Variants in SOX13 observed in about 807,000 individuals in gnomAD.
SOX13 encodes the protein transcription factor SOX-13.
A neutral mutation model predicts 71.8 loss-of-function variants in SOX13; 28 were observed. The ratio of observed to expected loss-of-function variants is 0.39; its 90% CI spans 0.29 to 0.53. The LOEUF (loss-of-function observed/expected upper bound fraction) is 0.53, where lower values mean the gene tolerates loss of function less well. Ranked by LOEUF, SOX13 falls within the 20% of genes least tolerant of loss-of-function variation. The pLI, the probability that SOX13 is intolerant of heterozygous loss-of-function variation, is 0.70. For missense variants in SOX13, 627 were observed against 810.3 expected (o/e 0.77, Z 2.75); for synonymous variants, 309 against 317.8 (o/e 0.97, Z 0.29).
At chr1:204,088,142 A>T (rs574918222) in intron 1 of SOX13, among the ~76,000 whole-genome samples, 1 of 152,224 alleles carries the variant, frequency 6.6e-6, no homozygotes, top group Admixed American at 6.5e-5. Context: ...ATCTGGAAGG[A>T]TGTGTGCTTG....
rs190029561 is a variant in SOX13, at chr1:204,092,456, A to G, written c.-2+18745A>G. 1.6e-4 allele frequency among the ~76,000 whole-genome samples: 25 copies of G among 152,282 alleles called. No homozygotes were observed. The East Asian group carries it at 4.8e-3, about 29-fold the overall frequency. On this transcript the variant is annotated intron_variant, in intron 1 of 13. Transcript: ENST00000367204. ...CTTGGCCTCCCAAAGTGCTTGGATT[A>G]CAAGTGTGAGCCACCACTTGTGGCC... is the stretch of plus-strand genomic sequence containing the variant.
intron 1 of SOX13, among the ~76,000 whole-genome samples, chr1:204,102,775 A>G (rs751162913): frequency 6.6e-6 from 1 of 151,920 alleles, no homozygotes; most frequent in Non-Finnish European, 1.5e-5. Flanking sequence ...CTCTATCTCT[A>G]TGGGGTAGGT....
chr1:204,116,785 TG>T, intron 5 of SOX13, 106 bp downstream of exon 5: 8 of 1,533,772 alleles, frequency 5.2e-6, no homozygotes, highest in Non-Finnish European at 6.1e-6. Flanking sequence ...AGCTGGGGCC[TG>T]GGGGCAGGCT....
At chr1:204,100,777 C>A (rs192621768) in intron 1 of SOX13, among the ~76,000 whole-genome samples, 1 of 152,136 alleles carries the variant, frequency 6.6e-6, no homozygotes, top group South Asian at 2.1e-4. Flanking sequence ...GATGAGCGAG[C>A]CTGTGTTAGG....
rs563968200 is a variant in SOX13, at chr1:204,102,747, A to G, written c.-1-10168A>G. ...AAACATTTTTTTGATTTTCACAAACACCATCATATTCAGTCTTCTCTATCT... is the reference window on the plus strand; with the variant it reads ...AAACATTTTTTTGATTTTCACAAACGCCATCATATTCAGTCTTCTCTATCT... On this transcript the variant is annotated intron_variant, in intron 1 of 13. Coordinates refer to ENST00000367204, the MANE Select transcript of SOX13 (RefSeq NM_005686.3). Among the ~76,000 whole-genome samples the G allele has an allele frequency of 9.2e-5, 14 of 151,814 alleles. No individual in the cohort carries two copies. In the South Asian group the frequency reaches 2.1e-3, roughly 23 times the overall value.
chr1:204,097,008 G>T (rs948002193), intron 1 of SOX13, among the ~76,000 whole-genome samples: 1 of 152,124 alleles, frequency 6.6e-6, no homozygotes, highest in Admixed American at 6.6e-5. Flanking sequence ...AGCCCCTTGG[G>T]CCCAGGCTTT....
chr1:204,093,694 G>C (rs1558213067), intron 1 of SOX13, among the ~76,000 whole-genome samples: 1 of 152,188 alleles, frequency 6.6e-6, no homozygotes, highest in South Asian at 2.1e-4. Context: ...GCTATGGTTT[G>C]GAACTTTGGA....
At chr1:204,119,780 G>T in intron 7 of SOX13, 1 of 152,382 alleles carries the variant, frequency 6.6e-6, no homozygotes, top group Non-Finnish European at 1.5e-5. Flanking sequence ...GGCTAAGGCA[G>T]GAGGATTGCT....
At chr1:204,091,458 A>C (rs1030097956) in intron 1 of SOX13, among the ~76,000 whole-genome samples, 3 of 152,210 alleles carry the variant, frequency 2.0e-5, no homozygotes, top group African/African-American at 7.2e-5. Flanking sequence ...TACTCATCCA[A>C]TGGATAAGCT....
At chr1:204,082,864 A>T (rs1282313153) in intron 1 of SOX13, among the ~76,000 whole-genome samples, 2 of 152,206 alleles carry the variant, frequency 1.3e-5, no homozygotes, top group African/African-American at 4.8e-5. Context: ...GCTCTCGGCC[A>T]GAGAATCCTT....
chr1:204,125,601 A>G (rs1656903507), intron 13 of SOX13, among the ~76,000 whole-genome samples: 1 of 152,204 alleles, frequency 6.6e-6, no homozygotes, highest in Non-Finnish European at 1.5e-5. Context: ...TACAAGTTCT[A>G]AAAACTGGAT....
chr1:204,095,829 T>A (rs1042014781), intron 1 of SOX13, among the ~76,000 whole-genome samples: 5 of 152,206 alleles, frequency 3.3e-5, no homozygotes, highest in African/African-American at 9.6e-5. Flanking sequence ...AGCGTCCCCT[T>A]CCTCTCTCAC....
chr1:204,074,154 C>T (rs1183765850), intron 1 of SOX13: 7 of 152,232 alleles, frequency 4.6e-5, no homozygotes, highest in African/African-American at 1.2e-4. Flanking sequence ...GCGACCTGCG[C>T]GCGTCCTGCG....
At chr1:204,088,306 C>T (rs191150889) in intron 1 of SOX13, among the ~76,000 whole-genome samples, 21 of 152,210 alleles carry the variant, frequency 1.4e-4, no homozygotes, top group Admixed American at 2.0e-4. Context: ...CTGGTCGATT[C>T]GGCTGGGGAC....
intron 1 of SOX13, among the ~76,000 whole-genome samples, chr1:204,079,664 G>A (rs1238659601): frequency 1.3e-5 from 2 of 152,088 alleles, no homozygotes; most frequent in Non-Finnish European, 2.9e-5. Context: ...ATAGAACCTT[G>A]TAGCTACCAC....
At chr1:204,090,511 C>T (rs1315246273) in intron 1 of SOX13, among the ~76,000 whole-genome samples, 5 of 151,300 alleles carry the variant, frequency 3.3e-5, no homozygotes, top group African/African-American at 9.7e-5. Flanking sequence ...AGGGTTCAAG[C>T]GATTCTCCTG....
At chr1:204,116,784 C>T in intron 5 of SOX13, 105 bp downstream of exon 5, 1 of 1,535,376 alleles carries the variant, frequency 6.5e-7, no homozygotes, top group Non-Finnish European at 8.8e-7. Context: ...AAGCTGGGGC[C>T]TGGGGGCAGG....
chr1:204,095,448 T>C (rs7537254), intron 1 of SOX13, among the ~76,000 whole-genome samples: 135,295 of 152,114 alleles, frequency 0.89, 60,494 homozygotes, highest in African/African-American at 0.97. Flanking sequence ...GTCTGGGTCT[T>C]GCTGCTTCTA....
At chr1:204,091,295 G>T (rs544613152) in intron 1 of SOX13, among the ~76,000 whole-genome samples, 8 of 152,274 alleles carry the variant, frequency 5.3e-5, no homozygotes, top group Non-Finnish European at 1.0e-4. Context: ...GTCCCACTGG[G>T]ACCCAAACGA....
Sources: gnomAD v4.1 joint callset for allele counts (sites outside exome capture counted in the v4.1 genomes callset) on GRCh38, gnomAD v4.1.1 for gene constraint, MANE v1.5 for transcripts, NCBI Gene and HGNC (gene_info 2026-07-23, HGNC 2026-07-21) for gene names.